The following ARRDC2 variants were observed in gnomAD, a reference collection of about 807,000 sequenced individuals.
ARRDC2 encodes arrestin domain-containing protein 2.
A neutral mutation model predicts 38.9 loss-of-function variants in ARRDC2; 39 were observed. The ratio of observed to expected loss-of-function variants is 1.00; its 90% CI spans 0.78 to 1.31. The LOEUF is 1.31. ARRDC2 is among the 50% of genes most tolerant of loss of function. The pLI is 0.00. For missense variants in ARRDC2, 553 were observed against 588.4 expected, an observed-to-expected ratio of 0.94 and a Z score of 0.62; for synonymous variants, 300 against 261.9, an observed-to-expected ratio of 1.15 and a Z score of -1.41.
intron 1 of ARRDC2, chr19:18,001,698 AC>A: frequency 8.8e-7 from 1 of 1,138,184 alleles, no homozygotes; most frequent in East Asian, 3.2e-5. Flanking sequence ...GGAGGGGGAA[AC>A]CCCCTTCCCG....
chr19:18,005,700 C>T (rs1165074067), upstream of ARRDC2, among the ~76,000 whole-genome samples: 2 of 150,512 alleles, frequency 1.3e-5, no homozygotes, highest in East Asian at 1.9e-4. Flanking sequence ...CCGGATGGGG[C>T]GGCTGGCTGG....
exon 1 of ARRDC2, chr19:18,001,451 T>G: frequency 7.9e-7 from 1 of 1,265,318 alleles, no homozygotes; most frequent in Non-Finnish European, 1.0e-6. Context: ...GCGCTCGAGG[T>G]GAAGGCGCGC....
chr19:18,007,891 C>A (rs1262663935), upstream of ARRDC2: 1 of 282,840 alleles, frequency 3.5e-6, no homozygotes, highest in Non-Finnish European at 6.7e-6. Flanking sequence ...TGACCTCAGG[C>A]CTGGGCCCTG....
chr19:18,006,030 G>C (rs936057945), upstream of ARRDC2, among the ~76,000 whole-genome samples: 1 of 151,792 alleles, frequency 6.6e-6, no homozygotes, highest in Non-Finnish European at 1.5e-5. Flanking sequence ...CAGACGATGG[G>C]CGGCCGGGCA....
At chr19:18,002,478 G>C (rs2033200888) in intron 1 of ARRDC2, among the ~76,000 whole-genome samples, 1 of 152,204 alleles carries the variant, frequency 6.6e-6, no homozygotes, top group Non-Finnish European at 1.5e-5. Flanking sequence ...CTGCGGGAGG[G>C]CATCATCCTC....
chr19:18,008,190 G>C lies in ARRDC2; in HGVS notation c.-121G>C, dbSNP rs2033321819. The C allele has an allele frequency of 6.7e-7, 1 of 1,484,758 alleles. No homozygotes were observed. The highest frequency in any genetic ancestry group is 8.9e-7 in the Non-Finnish European group (1 of 1,129,264). The allele number at this position is 1,484,758 out of a possible 1,614,324, so 92.0% of individuals were successfully genotyped here. A position where few individuals can be genotyped will look rare whatever the true frequency, so the allele number is the denominator to read the frequency against. On this transcript the variant is annotated 5_prime_UTR_variant, in exon 1 of 8. Transcript: ENST00000222250. The stretch of plus-strand genomic sequence containing the variant: ...GCGGGGATTTTCTGCTCCGGTTGGT[G>C]AGCGCGCCTGCGCGTTGACGGCGAT...
chr19:18,010,645 G>A lies in ARRDC2; in HGVS notation c.1086G>A (p.Pro362=), dbSNP rs147293119. 5.0e-6 allele frequency: 8 copies of A among 1,613,642 alleles called. No homozygotes were observed. Among genetic ancestry groups the A allele is most frequent in the African/African-American group, 2.7e-5 (2 of 74,904 alleles). The change falls in exon 7 of 8, where the codon CCG becomes CCA. Residue 362 remains proline, a synonymous_variant. Coordinates refer to ENST00000222250, the MANE Select transcript of ARRDC2 (RefSeq NM_015683.2). ...TGGGGCAGAGCCCCTTCCCGCTTCC[G>A]CAGGACCCCGACATGAGCCTTGAAG... ...AALGQSPFPL[P]QDPDMSLEGP... is the part of the protein sequence containing the mutation.
At position 18,008,777 on chromosome 19, in the gene ARRDC2, CG is replaced by C; in HGVS notation, c.341+1del. ...TTCCTGTTCAGCTTCCAGCTGCCCC[CG>C]TAAGTCCTCTGGGGTGCAGGGTTGC... is the stretch of plus-strand genomic sequence containing the variant. On this transcript the variant is annotated splice_donor_variant, in intron 2 of 7. Coordinates refer to ENST00000222250, the MANE Select transcript of ARRDC2 (RefSeq NM_015683.2). LOFTEE classifies it high-confidence loss of function. The C allele has an allele frequency of 1.2e-6, 2 of 1,613,366 alleles. No homozygotes were observed. Among genetic ancestry groups the C allele is most frequent in the Non-Finnish European group, 1.7e-6 (2 of 1,179,992 alleles).
At chr19:18,007,006 C>G (rs1392416023), upstream of ARRDC2, among the ~76,000 whole-genome samples, 1 of 86,358 alleles carries the variant, frequency 1.2e-5, no homozygotes, top group Non-Finnish European at 2.5e-5. Flanking sequence ...CGATCCCCAT[C>G]ACGGGCTGAG....
At position 18,010,745 on chromosome 19, in the gene ARRDC2, T is replaced by C; in HGVS notation, c.1170+16T>C. ...GTACTCTGAGGTGAGCTCAGGGGTC[T>C]GAGAACCACCCATGCCTCTCTGGGC... On this transcript the variant is annotated intron_variant, in intron 7 of 7. Coordinates refer to ENST00000222250, the MANE Select transcript of ARRDC2 (RefSeq NM_015683.2). 6.2e-7 allele frequency: 1 copy of C among 1,612,340 alleles called. No individual in the cohort carries two copies. Among genetic ancestry groups the C allele is most frequent in the Non-Finnish European group, 8.5e-7 (1 of 1,179,038 alleles).
Position 18,008,788 on chromosome 19 carries a change from TGG to T in ARRDC2, c.341+14_341+15del. The T allele has an allele frequency of 6.2e-7, 1 of 1,613,134 alleles. No individual in the cohort carries two copies. The highest frequency in any genetic ancestry group is 8.5e-7 in the Non-Finnish European group (1 of 1,179,940). Reference sequence around the variant, plus strand: ...CTTCCAGCTGCCCCCGTAAGTCCTCTGGGGTGCAGGGTTGCCCTAAGCCTGCA... The same window carrying T: ...CTTCCAGCTGCCCCCGTAAGTCCTCTGGTGCAGGGTTGCCCTAAGCCTGCA... On this transcript the variant is annotated intron_variant, in intron 2 of 7. Transcript: ENST00000222250.
Position 18,013,002 on chromosome 19 carries a change from A to G in ARRDC2, c.*36A>G, listed in dbSNP as rs117421447. 7,432 of 1,609,396 alleles carry G rather than the reference A, an allele frequency of 4.6e-3. 31 individuals carry two copies. The highest frequency in any genetic ancestry group is 5.4e-3 in the Non-Finnish European group (6,346 of 1,177,048). On this transcript the variant is annotated 3_prime_UTR_variant, in exon 8 of 8. Coordinates refer to ENST00000222250, the MANE Select transcript of ARRDC2 (RefSeq NM_015683.2). ...GACCCCTCGAGGAACAAGGTTGCAC[A>G]CCAGCTTTCAGCCACCATGACTGTG...
At chr19:18,009,436 G>A (rs561874217) in intron 3 of ARRDC2, 156 bp from the exon 4 acceptor site, 3 of 699,392 alleles carry the variant, frequency 4.3e-6, no homozygotes, top group Non-Finnish European at 2.4e-6. Flanking sequence ...GATGGGTTGT[G>A]TTCCTGGCTC....
chr19:18,010,198 C>G lies in ARRDC2; in HGVS notation c.852C>G (p.Val284=), dbSNP rs200230403. The change falls in exon 6 of 8, where the codon GTC becomes GTG. Residue 284 remains valine, a splice_region_variant and synonymous_variant. Coordinates refer to ENST00000222250, the MANE Select transcript of ARRDC2 (RefSeq NM_015683.2). ...TCCCTTATGGTTCCTTCCTCCAGGT[C>G]TGTGTGGATATCCCAGGAACGTCCA... ...RVLHVDYALK[V]CVDIPGTSKL... is the part of the protein sequence containing the mutation. 2.5e-5 allele frequency: 41 copies of G among 1,613,146 alleles called. No homozygotes were observed. In the East Asian group the frequency reaches 9.1e-4, roughly 36 times the overall value.
At chr19:18,005,771 C>T (rs1241077932), upstream of ARRDC2, among the ~76,000 whole-genome samples, 6 of 152,000 alleles carry the variant, frequency 3.9e-5, no homozygotes, top group East Asian at 9.7e-4. Flanking sequence ...GGGGGCTGAC[C>T]CCCCACCTCC....
intron 3 of ARRDC2, 31 bp downstream of exon 3, chr19:18,009,149 G>C: frequency 1.9e-6 from 3 of 1,610,318 alleles, no homozygotes; most frequent in Non-Finnish European, 2.5e-6. Flanking sequence ...AGGTAGGTTG[G>C]GAGTATTGTA....
Position 18,008,884 on chromosome 19 carries a change from G to C in ARRDC2, c.342-87G>C, listed in dbSNP as rs557279508. 5 of 1,596,668 alleles carry C rather than the reference G, an allele frequency of 3.1e-6. No individual in the cohort carries two copies. The African/African-American group carries it at 6.7e-5, about 21-fold the overall frequency. On this transcript the variant is annotated intron_variant, in intron 2 of 7. Transcript: ENST00000222250. ...CTCTGAGCCCCAAGACTCTCCCCCT[G>C]GGAGGCCCCCGGAGTGTCTGTGTCT...
At chr19:18,001,961 A>G (rs2033194444) in intron 1 of ARRDC2, among the ~76,000 whole-genome samples, 1 of 152,102 alleles carries the variant, frequency 6.6e-6, no homozygotes, top group Non-Finnish European at 1.5e-5. Context: ...GGGAACGTCT[A>G]CCCAGGGTCT....
chr19:18,008,233 C>G lies in ARRDC2; in HGVS notation c.-78C>G, dbSNP rs979522015. 4 of 1,528,862 alleles carry G rather than the reference C, an allele frequency of 2.6e-6. No individual in the cohort carries two copies. Among genetic ancestry groups the G allele is most frequent in the Non-Finnish European group, 2.6e-6 (3 of 1,148,208 alleles). The allele number at this position is 1,528,862 out of a possible 1,614,324, so 94.7% of individuals were successfully genotyped here. A position where few individuals can be genotyped will look rare whatever the true frequency, so the allele number is the denominator to read the frequency against. ...ACGGCGATTTTGCGTTCTGAGGCTG[C>G]AGCGTCGGCATCTTGAGCTGCCGGT... On this transcript the variant is annotated 5_prime_UTR_variant, in exon 1 of 8. Coordinates refer to ENST00000222250, the MANE Select transcript of ARRDC2 (RefSeq NM_015683.2).
Sources: allele counts gnomAD v4.1 joint callset (sites outside exome capture counted in the v4.1 genomes callset), GRCh38; gene constraint gnomAD v4.1.1; transcripts MANE v1.5; gene names NCBI Gene and HGNC (gene_info 2026-07-23, HGNC 2026-07-21).